Variants in PMPCB observed in about 807,000 individuals in gnomAD.
PMPCB encodes mitochondrial-processing peptidase subunit beta.
A neutral mutation model predicts 61.5 loss-of-function variants in PMPCB; 46 were observed. The ratio of observed to expected loss-of-function variants is 0.75; its 90% CI spans 0.59 to 0.96. The LOEUF (loss-of-function observed/expected upper bound fraction) is 0.96. PMPCB is among the 40% of genes least tolerant of loss of function. The pLI is 0.00. For synonymous variants in PMPCB, 191 were observed against 201.6 expected (o/e 0.95, Z 0.44); for missense variants, 590 against 602.4 (o/e 0.98, Z 0.22).
At chr7:103,347,533 C>A in the PMPCB span, 2 of 625,852 alleles carry the variant, frequency 3.2e-6, no homozygotes, top group Non-Finnish European at 2.8e-6. Context: ...GGTAATCAGT[C>A]CAAAAACCAG....
chr7:103,329,869 T>G (rs1818893872), downstream of PMPCB, among the ~76,000 whole-genome samples: 1 of 152,218 alleles, frequency 6.6e-6, no homozygotes, highest in Admixed American at 6.5e-5. Flanking sequence ...TCCTATATTA[T>G]CTACAAATAA....
rs573869210 is a variant in PMPCB at position 103,312,733 on chromosome 7, AAGAT to A, written c.*469_*472del. ...TTTGGTGTAAAGAATTCAAGCAACT[AAGAT>A]AGATAGTACTAAATATACTGATTTC... On this transcript the variant is annotated 3_prime_UTR_variant, in exon 13 of 13. Transcript: ENST00000249269. 1.9e-5 allele frequency: 30 copies of A among 1,573,028 alleles called. No homozygotes were observed. The highest frequency in any genetic ancestry group is 5.5e-5 in the African/African-American group (4 of 73,102).
intron 6 of PMPCB, among the ~76,000 whole-genome samples, chr7:103,306,839 T>TC (rs1416635555): frequency 1.3e-5 from 2 of 152,106 alleles, no homozygotes; most frequent in African/African-American, 4.8e-5. Flanking sequence ...CACTGCAAAC[T>TC]CCACCTCCTA....
At chr7:103,306,432 G>A (rs192714275) in intron 6 of PMPCB, among the ~76,000 whole-genome samples, 1 of 150,606 alleles carries the variant, frequency 6.6e-6, no homozygotes, top group Non-Finnish European at 1.5e-5. Flanking sequence ...GCCCAGGCTG[G>A]AGTACAATGG....
At chr7:103,299,765 AT>A (rs1019311312) in intron 3 of PMPCB, among the ~76,000 whole-genome samples, 16 of 151,282 alleles carry the variant, frequency 1.1e-4, no homozygotes, top group Non-Finnish European at 2.1e-4. Flanking sequence ...GATGTACCTT[AT>A]TTTTTTTTAT....
downstream of PMPCB, among the ~76,000 whole-genome samples, chr7:103,334,076 G>A (rs1345239493): frequency 1.3e-5 from 2 of 151,726 alleles, no homozygotes; most frequent in Non-Finnish European, 2.9e-5. Context: ...TCAGCCACGC[G>A]AGTAGCTGCG....
chr7:103,318,183 T>C (rs1818178610), downstream of PMPCB, among the ~76,000 whole-genome samples: 1 of 152,112 alleles, frequency 6.6e-6, no homozygotes, highest in Admixed American at 6.6e-5. Flanking sequence ...CTGTTTTTTT[T>C]GAGACAAAGT....
chr7:103,337,698 C>G, the PMPCB span: 1 of 1,504,890 alleles, frequency 6.6e-7, no homozygotes. Context: ...TGTTCCTATA[C>G]AAGATATTTG....
At chr7:103,318,364 T>C (rs954994450), downstream of PMPCB, among the ~76,000 whole-genome samples, 1 of 152,166 alleles carries the variant, frequency 6.6e-6, no homozygotes, top group Admixed American at 6.5e-5. Context: ...TTTGTTTATG[T>C]TGCCCAGGCT....
chr7:103,344,924 T>G, the PMPCB span: 1 of 552,584 alleles, frequency 1.8e-6, no homozygotes, highest in Admixed American at 3.4e-5. Context: ...AGTTTTCCTG[T>G]AAAAAGGATT....
At chr7:103,320,830 CTTTTTTTTTTT>C (rs745754898) in intron 12 of PMPCB, 1,383 of 113,806 alleles carry the variant, frequency 0.012, 21 homozygotes, top group Admixed American at 0.019. Context: ...CTCAGCATGT[CTTTTTTTTTTT>C]TTTTTTTTTG....
downstream of PMPCB, chr7:103,317,061 T>C (rs1380974242): frequency 4.0e-6 from 6 of 1,494,866 alleles, no homozygotes; most frequent in African/African-American, 1.4e-5. Context: ...ACTGTATTGC[T>C]ATTCTACACT....
chr7:103,323,227 G>T (rs1420365797), intron 12 of PMPCB, among the ~76,000 whole-genome samples: 1 of 152,082 alleles, frequency 6.6e-6, no homozygotes, highest in Non-Finnish European at 1.5e-5. Context: ...AGCACGCCCG[G>T]CCTAAACAGT....
the PMPCB span, among the ~76,000 whole-genome samples, chr7:103,341,171 T>A: frequency 6.6e-6 from 1 of 152,234 alleles, no homozygotes; most frequent in Non-Finnish European, 1.5e-5. Flanking sequence ...ACTAGCCCTA[T>A]AACAGTAAAC....
chr7:103,310,288 T>A, intron 8 of PMPCB, 27 bp from the exon 9 acceptor site: 2 of 1,596,178 alleles, frequency 1.3e-6, no homozygotes. Context: ...TAATTAAAAT[T>A]CTCTTGGAAT....
chr7:103,298,046 A>G (rs1394950101), intron 1 of PMPCB: 8 of 652,156 alleles, frequency 1.2e-5, no homozygotes, highest in Non-Finnish European at 1.7e-5. Flanking sequence ...GCAAAGAAAA[A>G]CTGCTGAAAG....
Position 103,300,265 on chromosome 7 carries a change from A to G in PMPCB, c.415A>G (p.Thr139Ala). ...HLNAYTSREQ[T>A]VYYAKAFSKD... ...CAATGCCTATACCTCCAGAGAGCAG[A>G]CTGTATACTATGCCAAAGCATTCTC... Residue 139 changes from threonine to alanine, a missense_variant, in exon 4 of 13, where the codon ACT becomes GCT. Physicochemically the swap from Thr to Ala is moderately conservative, Grantham distance 58 (BLOSUM62 0). Transcript: ENST00000249269. 1.2e-6 allele frequency: 2 copies of G among 1,612,154 alleles called. No homozygotes were observed. Among genetic ancestry groups the G allele is most frequent in the African/African-American group, 1.3e-5 (1 of 75,002 alleles).
intron 12 of PMPCB, chr7:103,324,483 A>G (rs766115737): frequency 6.7e-7 from 1 of 1,492,734 alleles, no homozygotes. Flanking sequence ...TTCACTTACC[A>G]GAAAGAATAA....
Position 103,312,111 on chromosome 7 carries a change from G to A in PMPCB, c.1385G>A (p.Ser462Asn), listed in dbSNP as rs559942322. The A allele has an allele frequency of 1.2e-6, 2 of 1,614,026 alleles. No homozygotes were observed. The highest frequency in any genetic ancestry group is 1.7e-5 in the Admixed American group (1 of 60,024). ...EVCTKYIYNR[S>N]PAIAAVGPIK... Reference sequence around the variant, plus strand: ...TGTACCAAATACATTTATAATAGGAGTCCAGCTATTGCTGCTGTTGGTAAG... The same window carrying A: ...TGTACCAAATACATTTATAATAGGAATCCAGCTATTGCTGCTGTTGGTAAG... The change falls in exon 12 of 13, where the codon AGT (serine) becomes AAT (asparagine). Residue 462 changes from serine (S) to asparagine (N), a missense_variant. Ser to Asn is a conservative substitution (Grantham distance 46). Coordinates refer to ENST00000249269, the MANE Select transcript of PMPCB (RefSeq NM_004279.3).
Sources: gnomAD v4.1 joint callset for allele counts (sites outside exome capture counted in the v4.1 genomes callset) on GRCh38, gnomAD v4.1.1 for gene constraint, MANE v1.5 for transcripts, NCBI Gene and HGNC (gene_info 2026-07-23, HGNC 2026-07-21) for gene names.